The following TRA2A variants were observed in gnomAD, a reference collection of about 807,000 sequenced individuals.
TRA2A encodes transformer-2 protein homolog alpha.
In TRA2A, 31 loss-of-function variants were observed where a neutral mutation model predicts 45.7. The observed-to-expected ratio is 0.68, with a 90% CI of 0.51 to 0.92. The LOEUF (loss-of-function observed/expected upper bound fraction) is 0.92. Among genes scored for constraint, TRA2A ranks in the 40% least tolerant of loss-of-function variants. The probability of loss-of-function intolerance (pLI) is 0.00; values close to 1 mark genes in which losing one functional copy is unlikely to be tolerated. For synonymous variants in TRA2A, 132 were observed against 126.2 expected (o/e 1.05, Z -0.31); for missense variants, 304 against 367.5 (o/e 0.83, Z 1.41).
At chr7:23,518,589 C>T (rs553710920) in intron 2 of TRA2A, among the ~76,000 whole-genome samples, 1 of 152,116 alleles carries the variant, frequency 6.6e-6, no homozygotes, top group African/African-American at 2.4e-5. Context: ...GATCCACCCA[C>T]CTCAGCCTCC....
intron 4 of TRA2A, among the ~76,000 whole-genome samples, chr7:23,512,152 T>C (rs776064655): frequency 6.6e-6 from 1 of 152,194 alleles, no homozygotes; most frequent in Non-Finnish European, 1.5e-5. Context: ...AGTGAAACTG[T>C]AGTCACTCCA....
chr7:23,507,538 A>G lies in TRA2A; in HGVS notation c.526-3T>C, dbSNP rs751780398. On this transcript the variant is annotated splice_polypyrimidine_tract_variant and splice_region_variant and intron_variant, in intron 4 of 7. Coordinates refer to ENST00000297071, the MANE Select transcript of TRA2A (RefSeq NM_013293.5). ...ATTCCATTTGCCCTTTCCATAGCCT[A>G]TAAAGAACAGGCACAAAAAGTCACG... 9.3e-6 allele frequency: 15 copies of G among 1,609,118 alleles called. No individual in the cohort carries two copies. Among genetic ancestry groups the G allele is most frequent in the Admixed American group, 1.7e-5 (1 of 59,874 alleles).
At position 23,507,539 on chromosome 7, in the gene TRA2A, T is replaced by C; in HGVS notation, c.526-4A>G. ...TTCCATTTGCCCTTTCCATAGCCTA[T>C]AAAGAACAGGCACAAAAAGTCACGT... On this transcript the variant is annotated splice_polypyrimidine_tract_variant and splice_region_variant and intron_variant, in intron 4 of 7. Transcript: ENST00000297071. 1 of 1,608,220 alleles carries C rather than the reference T, an allele frequency of 6.2e-7. No individual in the cohort carries two copies. The highest frequency in any genetic ancestry group is 1.7e-4 in the Middle Eastern group (1 of 6,052).
intron 4 of TRA2A, among the ~76,000 whole-genome samples, chr7:23,512,475 T>TC (rs2127993316): frequency 6.6e-6 from 1 of 152,244 alleles, no homozygotes; most frequent in African/African-American, 2.4e-5. Flanking sequence ...TCTTTTTTTT[T>TC]TGAGACGGAG....
At chr7:23,507,708 A>G (rs1422534153) in intron 4 of TRA2A, among the ~76,000 whole-genome samples, 173 bp from the exon 5 acceptor site, 4 of 152,254 alleles carry the variant, frequency 2.6e-5, no homozygotes, top group Non-Finnish European at 5.9e-5. Flanking sequence ...AACAATGTCC[A>G]GAACACATTT....
rs1789697998 is a variant in TRA2A at position 23,513,042 on chromosome 7, A to G, written c.377T>C (p.Leu126Pro). 6.2e-7 allele frequency: 1 copy of G among 1,613,196 alleles called. No homozygotes were observed. ...DPNTCLGVFG[L>P]SLYTTERDLR... ...ATCCCTCTCTGTTGTGTACAAACTG[A>G]GGCCAAACACTCCAAGGCAAGTGTT... The change falls in exon 4 of 8, where the codon CTC becomes CCC. Residue 126 changes from leucine (L) to proline (P), a missense_variant. Transcript: ENST00000297071.
At chr7:23,510,673 C>T (rs193144836) in intron 4 of TRA2A, among the ~76,000 whole-genome samples, 1 of 152,024 alleles carries the variant, frequency 6.6e-6, no homozygotes, top group African/African-American at 2.4e-5. Flanking sequence ...CAGGTGGAAT[C>T]AAGAGATAAA....
intron 4 of TRA2A, among the ~76,000 whole-genome samples, chr7:23,509,006 T>C (rs1021522487): frequency 1.2e-4 from 18 of 152,102 alleles, no homozygotes; most frequent in African/African-American, 3.9e-4. Flanking sequence ...TCCTATTCTC[T>C]CACACACATA....
chr7:23,527,422 A>C (rs1166718354), intron 1 of TRA2A, among the ~76,000 whole-genome samples: 1 of 152,148 alleles, frequency 6.6e-6, no homozygotes, highest in East Asian at 1.9e-4. Flanking sequence ...TGTCTTGCTA[A>C]ATTTGTGAGG....
chr7:23,524,841 G>A (rs1250663962), intron 1 of TRA2A, among the ~76,000 whole-genome samples: 6 of 151,822 alleles, frequency 4.0e-5, no homozygotes, highest in Non-Finnish European at 8.8e-5. Flanking sequence ...ACAGGTGCAC[G>A]CCATCACACC....
At chr7:23,518,096 G>A (rs1012367749) in intron 2 of TRA2A, among the ~76,000 whole-genome samples, 2 of 151,636 alleles carry the variant, frequency 1.3e-5, no homozygotes, top group Admixed American at 1.3e-4. Context: ...GCACCACCAT[G>A]CCTGGCTAAT....
At position 23,531,961 on chromosome 7, in the gene TRA2A, G is replaced by A. The variant is rs1790609854; in HGVS notation, c.-137C>T. 6.6e-6 allele frequency: 6 copies of A among 910,290 alleles called. No homozygotes were observed. The highest frequency in any genetic ancestry group is 3.3e-5 in the African/African-American group (2 of 59,998). The allele number at this position is 910,290 out of a possible 1,614,324, so 56.4% of individuals were successfully genotyped here. A position where few individuals can be genotyped will look rare whatever the true frequency, so the allele number is the denominator to read the frequency against. On this transcript the variant is annotated 5_prime_UTR_variant, in exon 1 of 8. Coordinates refer to ENST00000297071, the MANE Select transcript of TRA2A (RefSeq NM_013293.5). ...CAGCCGCTCCACTCCACTCCCACTC[G>A]GTCGCAGGCTCCAGCAAAATGGCGC...
intron 3 of TRA2A, 40 bp downstream of exon 3, chr7:23,516,323 A>G: frequency 6.2e-7 from 1 of 1,608,890 alleles, no homozygotes; most frequent in Non-Finnish European, 8.5e-7. Context: ...AACACATAAA[A>G]GAGAAAATAA....
chr7:23,523,487 T>C (rs1299420085), intron 1 of TRA2A, among the ~76,000 whole-genome samples: 2 of 152,218 alleles, frequency 1.3e-5, no homozygotes, highest in African/African-American at 4.8e-5. Flanking sequence ...CACACCAATT[T>C]ATTTATGCCT....
rs78358648 is a variant in TRA2A, at chr7:23,519,896, T to C, written c.170+1811A>G. Reference sequence around the variant, plus strand: ...GTAAGAAAATCCTTAATTTAAAACATCAATTATTACTTTTAAACAGCAATG... The same window carrying C: ...GTAAGAAAATCCTTAATTTAAAACACCAATTATTACTTTTAAACAGCAATG... On this transcript the variant is annotated intron_variant, in intron 2 of 7. Coordinates refer to ENST00000297071, the MANE Select transcript of TRA2A (RefSeq NM_013293.5). Among the ~76,000 whole-genome samples the C allele has an allele frequency of 6.5e-3, 997 of 152,288 alleles. 11 individuals are homozygous for C. Among genetic ancestry groups the C allele is most frequent in the African/African-American group, 0.022 (910 of 41,556 alleles).
At chr7:23,524,355 T>G (rs1334271603) in intron 1 of TRA2A, among the ~76,000 whole-genome samples, 2 of 152,052 alleles carry the variant, frequency 1.3e-5, no homozygotes, top group Non-Finnish European at 2.9e-5. Context: ...GGCTAATTTT[T>G]GTATTTTTAA....
At chr7:23,512,789 A>G (rs983031931) in intron 4 of TRA2A, 105 bp downstream of exon 4, 9 of 991,260 alleles carry the variant, frequency 9.1e-6, no homozygotes, top group African/African-American at 5.0e-5. Context: ...AAAAAAAAAG[A>G]AAAAAAGGAA....
chr7:23,523,456 T>C (rs1468184464), intron 1 of TRA2A, among the ~76,000 whole-genome samples: 1 of 152,196 alleles, frequency 6.6e-6, no homozygotes, highest in East Asian at 1.9e-4. Flanking sequence ...AATAATTATC[T>C]CAATTTCACA....
Position 23,507,489 on chromosome 7 carries a change from C to T in TRA2A, c.572G>A (p.Arg191Gln), listed in dbSNP as rs1175719109. The part of the protein sequence containing the change: ...NGMELDGRRI[R>Q]VDYSITKRAH... ...TCTCTTGGTTATAGAATAATCCACCCGAATTCTTCTACCATCCAGCTCCAT... is the reference window on the plus strand; with the variant it reads ...TCTCTTGGTTATAGAATAATCCACCTGAATTCTTCTACCATCCAGCTCCAT... The change falls in exon 5 of 8, where the codon CGG (arginine) becomes CAG (glutamine). Residue 191 changes from arginine to glutamine, a missense_variant. By Grantham distance (43) the Arg-to-Gln change is conservative. Around this residue, in one of 3 missense-constraint regions of TRA2A, gnomAD observed 130 missense variants for 217.1 expected, o/e 0.60. Transcript: ENST00000297071. The T allele has an allele frequency of 3.1e-6, 5 of 1,614,010 alleles. No homozygotes were observed. The highest frequency in any genetic ancestry group is 4.2e-6 in the Non-Finnish European group (5 of 1,180,032).
Sources: allele counts gnomAD v4.1 joint callset (sites outside exome capture counted in the v4.1 genomes callset), GRCh38; gene constraint gnomAD v4.1.1; regional missense constraint gnomAD v4.1.1; transcripts MANE v1.5; gene names NCBI Gene and HGNC (gene_info 2026-07-23, HGNC 2026-07-21).